Variants in PLGRKT observed in about 807,000 individuals in gnomAD.
PLGRKT encodes plasminogen receptor with a C-terminal lysine.
In PLGRKT, 22 loss-of-function variants were observed where a neutral mutation model predicts 18.5. The observed-to-expected ratio is 1.19, with a 90% confidence interval of 0.85 to 1.70. The LOEUF (loss-of-function observed/expected upper bound fraction) is 1.70, where lower values mean the gene tolerates loss of function less well. Among genes scored for constraint, PLGRKT ranks in the 40% most tolerant of loss-of-function variants. PLGRKT has a pLI of 0.00. For synonymous variants in PLGRKT, 72 were observed against 52.8 expected (o/e 1.36, Z -1.58); for missense variants, 235 against 174.4 (o/e 1.35, Z -1.96).
Position 5,431,996 on chromosome 9 carries a change from A to G in PLGRKT, c.-6-13T>C, listed in dbSNP as rs774741288. The G allele has an allele frequency of 1.2e-5, 14 of 1,175,142 alleles. No individual in the cohort carries two copies. The highest frequency in any genetic ancestry group is 1.7e-5 in the Admixed American group (1 of 58,242). The allele number at this position is 1,175,142 out of a possible 1,614,324, so 72.8% of individuals were successfully genotyped here. ...ACCCCATTTTGACCTAAAATGTAAA[A>G]AAAGCAAGGAGACTTATAATAATAC... On this transcript the variant is annotated splice_polypyrimidine_tract_variant and intron_variant, in intron 2 of 5. Transcript: ENST00000223864.
chr9:5,393,336 C>T (rs1817985063), intron 3 of PLGRKT, among the ~76,000 whole-genome samples: 1 of 151,660 alleles, frequency 6.6e-6, no homozygotes, highest in South Asian at 2.1e-4. Context: ...ATTTAAAAGC[C>T]TTCTACTTCC....
chr9:5,412,984 A>G (rs1427550476), intron 3 of PLGRKT, among the ~76,000 whole-genome samples: 1 of 152,206 alleles, frequency 6.6e-6, no homozygotes, highest in Non-Finnish European at 1.5e-5. Context: ...AATGTGAGAA[A>G]ATGTTCAAAC....
At chr9:5,361,228 A>AT in intron 4 of PLGRKT, 41 bp from the exon 5 acceptor site, 1 of 1,120,728 alleles carries the variant, frequency 8.9e-7, no homozygotes, top group Non-Finnish European at 1.3e-6. Flanking sequence ...TCAAAAAATA[A>AT]CCTGTAAATA....
At chr9:5,408,260 G>C (rs948825788) in intron 3 of PLGRKT, among the ~76,000 whole-genome samples, 1 of 152,204 alleles carries the variant, frequency 6.6e-6, no homozygotes, top group African/African-American at 2.4e-5. Context: ...CTGAATGGTT[G>C]TGACCCAAAT....
chr9:5,390,962 G>T (rs1817939099), intron 3 of PLGRKT, among the ~76,000 whole-genome samples: 1 of 151,738 alleles, frequency 6.6e-6, no homozygotes, highest in Non-Finnish European at 1.5e-5. Context: ...GTTGGTTTTG[G>T]GTTTTCTTGT....
chr9:5,395,877 C>G (rs1242395154), intron 3 of PLGRKT, among the ~76,000 whole-genome samples: 1 of 143,682 alleles, frequency 7.0e-6, no homozygotes, highest in Admixed American at 7.2e-5. Flanking sequence ...GGTTCATCCT[C>G]TAACCTAACA....
At chr9:5,410,246 A>T (rs1445954021) in intron 3 of PLGRKT, among the ~76,000 whole-genome samples, 1 of 152,134 alleles carries the variant, frequency 6.6e-6, no homozygotes, top group Non-Finnish European at 1.5e-5. Context: ...ATAGAAATTA[A>T]CAGAAGTGGG....
chr9:5,415,087 A>G (rs1200330274), intron 3 of PLGRKT, among the ~76,000 whole-genome samples: 2 of 152,206 alleles, frequency 1.3e-5, no homozygotes, highest in Non-Finnish European at 2.9e-5. Context: ...GGACTCCATG[A>G]AGAAGTCATT....
At chr9:5,430,296 C>T (rs1818795943) in intron 3 of PLGRKT, among the ~76,000 whole-genome samples, 2 of 152,196 alleles carry the variant, frequency 1.3e-5, no homozygotes, top group African/African-American at 2.4e-5. Flanking sequence ...AGTAAAAACC[C>T]TGTAGTTTCC....
chr9:5,408,808 C>G lies in PLGRKT; in HGVS notation c.81+23089G>C, dbSNP rs7852610. 7.8e-3 allele frequency among the ~76,000 whole-genome samples: 1,186 copies of G among 152,366 alleles called. 18 individuals carry two copies. The highest frequency in any genetic ancestry group is 0.028 in the African/African-American group (1,154 of 41,590). On this transcript the variant is annotated intron_variant, in intron 3 of 5. Transcript: ENST00000223864. ...GTTTCCTGGGCCAGGCCCAGAGCCC[C>G]ACTTCCCTGCACAGCCTTGGGACAC...
chr9:5,358,998 A>G (rs1439986935), intron 5 of PLGRKT, among the ~76,000 whole-genome samples: 1 of 152,138 alleles, frequency 6.6e-6, no homozygotes, highest in Non-Finnish European at 1.5e-5. Context: ...TTTACATTTT[A>G]TAAGCCTCCC....
chr9:5,392,211 T>C (rs1817962679), intron 3 of PLGRKT: 1 of 151,950 alleles, frequency 6.6e-6, no homozygotes, highest in Non-Finnish European at 1.5e-5. Context: ...AGAGGTACTT[T>C]TAGGACAAAT....
chr9:5,365,908 C>T (rs1817375452), intron 3 of PLGRKT, among the ~76,000 whole-genome samples: 1 of 152,058 alleles, frequency 6.6e-6, no homozygotes, highest in Non-Finnish European at 1.5e-5. Flanking sequence ...CAATCTTGTC[C>T]ATCTTTCATA....
intron 3 of PLGRKT, among the ~76,000 whole-genome samples, chr9:5,376,312 T>A (rs1817626707): frequency 6.6e-6 from 1 of 152,152 alleles, no homozygotes; most frequent in Non-Finnish European, 1.5e-5. Context: ...AGAGGCGCAG[T>A]GAAGGGGCCA....
chr9:5,394,662 C>G lies in PLGRKT; in HGVS notation c.82-32774G>C, dbSNP rs1340039646. Among the ~76,000 whole-genome samples the G allele has an allele frequency of 1.8e-4, 27 of 152,032 alleles. No homozygotes were observed. The East Asian group carries it at 4.6e-3, about 26-fold the overall frequency. On this transcript the variant is annotated intron_variant, in intron 3 of 5. Transcript: ENST00000223864. ...TCCTGACCTCAGGTGATCCACCTGC[C>G]TCAGCCTCCCAAAGTGCTGGGATTA...
intron 3 of PLGRKT, 94 bp downstream of exon 3, chr9:5,431,803 T>C: frequency 6.1e-6 from 4 of 657,628 alleles, no homozygotes; most frequent in Non-Finnish European, 2.8e-6. Context: ...AACATTTTAT[T>C]GTTGGGAGTC....
At position 5,418,017 on chromosome 9, in the gene PLGRKT, G is replaced by A. The variant is rs917516572; in HGVS notation, c.81+13880C>T. Among the ~76,000 whole-genome samples, 1 of 152,172 alleles carries A rather than the reference G, an allele frequency of 6.6e-6. No homozygotes were observed. Among genetic ancestry groups the A allele is most frequent in the African/African-American group, 2.4e-5 (1 of 41,422 alleles). ...GTTTTAATCTAACGGATTTCGAGAA[G>A]ATCACATTGTACGCACTTGTGGAGT... On this transcript the variant is annotated intron_variant, in intron 3 of 5. Coordinates refer to ENST00000223864, the MANE Select transcript of PLGRKT (RefSeq NM_018465.4). The surrounding 1 kb of genome is among the most constrained non-coding windows in gnomAD (Gnocchi z 4.2).
At chr9:5,392,991 G>T (rs548043443) in intron 3 of PLGRKT, among the ~76,000 whole-genome samples, 3 of 151,600 alleles carry the variant, frequency 2.0e-5, no homozygotes, top group East Asian at 3.9e-4. Context: ...ACAGGTGTGT[G>T]CCACCACACC....
intron 3 of PLGRKT, among the ~76,000 whole-genome samples, chr9:5,391,315 T>A (rs1457926906): frequency 6.6e-6 from 1 of 151,980 alleles, no homozygotes; most frequent in African/African-American, 2.4e-5. Context: ...ACAGCCAACA[T>A]GTCTTGAAAA....
Sources: allele counts gnomAD v4.1 joint callset (sites outside exome capture counted in the v4.1 genomes callset), GRCh38; gene constraint gnomAD v4.1.1; non-coding constraint Gnocchi (gnomAD v3.1); transcripts MANE v1.5; gene names NCBI Gene and HGNC (gene_info 2026-07-23, HGNC 2026-07-21).